The following NAALADL2 variants were observed in gnomAD, a reference collection of about 807,000 sequenced individuals.
The protein encoded by NAALADL2 is N-acetylated alpha-linked acidic dipeptidase like 2, also known as inactive N-acetylated-alpha-linked acidic dipeptidase-like protein 2.
Under a neutral mutation model 87.2 loss-of-function variants are expected in NAALADL2, and 76 were observed. The ratio of observed to expected loss-of-function variants is 0.87; its 90% CI spans 0.72 to 1.05. The LOEUF (loss-of-function observed/expected upper bound fraction) is 1.05, where lower values mean the gene tolerates loss of function less well. NAALADL2 is among the 50% of genes least tolerant of loss of function. NAALADL2 has a pLI of 0.00. For missense variants in NAALADL2, 1,089 were observed against 945.8 expected (o/e 1.15, Z -1.99); for synonymous variants, 354 against 331.0 (o/e 1.07, Z -0.75).
chr3:175,101,473 A>G (rs1028472825), intron 2 of NAALADL2, among the ~76,000 whole-genome samples: 7 of 152,222 alleles, frequency 4.6e-5, no homozygotes, highest in East Asian at 1.9e-4. Flanking sequence ...CACAGGTACA[A>G]TGTTTCATTT....
chr3:174,824,257 A>G (rs962542334), intron 3 of NAALADL2, among the ~76,000 whole-genome samples: 1 of 152,188 alleles, frequency 6.6e-6, no homozygotes, highest in African/African-American at 2.4e-5. Context: ...TTTATTAAAT[A>G]GTAGATATAA....
intron 11 of NAALADL2, among the ~76,000 whole-genome samples, chr3:175,630,266 G>A (rs1370327248): frequency 6.6e-6 from 1 of 151,726 alleles, no homozygotes; most frequent in African/African-American, 2.4e-5. Context: ...GTTGAATCGA[G>A]TACAGGATAT....
At chr3:175,799,057 A>G (rs532872120) in intron 13 of NAALADL2, among the ~76,000 whole-genome samples, 2 of 152,168 alleles carry the variant, frequency 1.3e-5, no homozygotes, top group South Asian at 4.1e-4. Context: ...ATAATAATGG[A>G]TTATAATATT....
At chr3:174,658,825 A>G (rs1280074641) in intron 2 of NAALADL2, among the ~76,000 whole-genome samples, 1 of 152,208 alleles carries the variant, frequency 6.6e-6, no homozygotes, top group Non-Finnish European at 1.5e-5. Context: ...GAAATGGTGC[A>G]TCTGCAACTA....
At chr3:175,083,705 A>G (rs1265471530) in intron 1 of NAALADL2, among the ~76,000 whole-genome samples, 4 of 152,196 alleles carry the variant, frequency 2.6e-5, no homozygotes, top group Admixed American at 6.5e-5. Context: ...TTATTCATCA[A>G]TTAATTTTCA....
chr3:175,116,130 T>C (rs936527115), intron 2 of NAALADL2, among the ~76,000 whole-genome samples: 4 of 152,042 alleles, frequency 2.6e-5, no homozygotes, highest in Non-Finnish European at 5.9e-5. Context: ...AATATCATAC[T>C]GAATGGGCAA....
At chr3:174,628,578 T>C (rs1050761092) in intron 2 of NAALADL2, among the ~76,000 whole-genome samples, 1 of 152,050 alleles carries the variant, frequency 6.6e-6, no homozygotes, top group Admixed American at 6.5e-5. Context: ...CAAGTTCACA[T>C]TGCTGGATTT....
chr3:175,707,772 G>A (rs1443185440), intron 11 of NAALADL2, among the ~76,000 whole-genome samples: 2 of 152,030 alleles, frequency 1.3e-5, no homozygotes, highest in Non-Finnish European at 2.9e-5. Context: ...AAAATATACA[G>A]TGTAAAAGGT....
intron 1 of NAALADL2, among the ~76,000 whole-genome samples, chr3:174,903,686 A>G (rs1406554831): frequency 6.6e-6 from 1 of 151,990 alleles, no homozygotes; most frequent in African/African-American, 2.4e-5. Flanking sequence ...TTCACTGGTA[A>G]AAACAAAAAT....
intron 9 of NAALADL2, among the ~76,000 whole-genome samples, chr3:175,497,223 C>T (rs945031513): frequency 2.0e-5 from 3 of 152,064 alleles, no homozygotes; most frequent in Non-Finnish European, 4.4e-5. Flanking sequence ...TTACAGGCAC[C>T]TGCCACCACA....
intron 13 of NAALADL2, among the ~76,000 whole-genome samples, chr3:175,756,773 A>G (rs1747317151): frequency 6.6e-6 from 1 of 152,076 alleles, no homozygotes; most frequent in South Asian, 2.1e-4. Context: ...ATGTCCATGT[A>G]ACAAACCTGC....
At chr3:175,583,401 TTTAA>T (rs1193878376) in intron 10 of NAALADL2, among the ~76,000 whole-genome samples, 2 of 152,106 alleles carry the variant, frequency 1.3e-5, no homozygotes, top group East Asian at 1.9e-4. Flanking sequence ...GATTAGACAA[TTTAA>T]TTGTTACATA....
At chr3:174,876,144 G>A (rs1728477908) in intron 1 of NAALADL2, among the ~76,000 whole-genome samples, 1 of 152,036 alleles carries the variant, frequency 6.6e-6, no homozygotes, top group African/African-American at 2.4e-5. Flanking sequence ...GACTTTAGCA[G>A]CATAATACAT....
chr3:174,520,560 T>C (rs1437364318), intron 1 of NAALADL2, among the ~76,000 whole-genome samples: 1 of 152,068 alleles, frequency 6.6e-6, no homozygotes, highest in Non-Finnish European at 1.5e-5. Context: ...AAAAATTAAG[T>C]TGGATTAAAG....
chr3:175,325,489 A>C (rs956570102), intron 5 of NAALADL2, among the ~76,000 whole-genome samples: 15 of 152,244 alleles, frequency 9.9e-5, no homozygotes, highest in African/African-American at 2.9e-4. Flanking sequence ...CTAAAAGACC[A>C]GTCAGCTCTC....
intron 4 of NAALADL2, among the ~76,000 whole-genome samples, chr3:175,260,041 A>G (rs1409189293): frequency 1.3e-5 from 2 of 152,136 alleles, no homozygotes; most frequent in Non-Finnish European, 2.9e-5. Context: ...AAAAAATTCT[A>G]ACTGTGCTCA....
chr3:175,292,760 G>T (rs1218794807), intron 4 of NAALADL2, among the ~76,000 whole-genome samples: 1 of 151,974 alleles, frequency 6.6e-6, no homozygotes, highest in Non-Finnish European at 1.5e-5. Flanking sequence ...AAAACGTCCG[G>T]GCGCGGGTGG....
chr3:175,423,053 T>TATATA (rs1366026397), intron 5 of NAALADL2, among the ~76,000 whole-genome samples: 5 of 95,596 alleles, frequency 5.2e-5, no homozygotes, highest in Admixed American at 1.2e-4. Context: ...ATATATATAT[T>TATATA]TTTTTTTTTT....
chr3:174,562,089 T>G (rs1364382718), intron 2 of NAALADL2, among the ~76,000 whole-genome samples: 1 of 152,162 alleles, frequency 6.6e-6, no homozygotes, highest in East Asian at 1.9e-4. Flanking sequence ...AGAAATATTA[T>G]TTCATGCTTA....
Sources: gnomAD v4.1 joint callset for allele counts (sites outside exome capture counted in the v4.1 genomes callset) on GRCh38, gnomAD v4.1.1 for gene constraint, MANE v1.5 for transcripts, NCBI Gene and HGNC (gene_info 2026-07-23, HGNC 2026-07-21) for gene names.